The following AGBL2 variants were observed in gnomAD, a reference collection of about 807,000 sequenced individuals.
AGBL2 encodes AGBL carboxypeptidase 2.
AGBL2 carries 87 observed loss-of-function variants against 103.0 expected under a neutral mutation model. The observed-to-expected ratio is 0.84, with a 90% CI of 0.71 to 1.01. The LOEUF is 1.01. Among genes scored for constraint, AGBL2 ranks in the 50% least tolerant of loss-of-function variants. The pLI, the probability that AGBL2 is intolerant of heterozygous loss-of-function variation, is 0.00. For synonymous variants in AGBL2, 335 were observed against 356.7 expected (o/e 0.94, Z 0.69); for missense variants, 904 against 1,023.5 (o/e 0.88, Z 1.59).
Position 47,692,220 on chromosome 11 carries a change from A to G in AGBL2, c.731T>C (p.Val244Ala). 1 of 1,613,532 alleles carries G rather than the reference A, an allele frequency of 6.2e-7. No individual in the cohort carries two copies. Among genetic ancestry groups the G allele is most frequent in the South Asian group, 1.1e-5 (1 of 91,054 alleles). The change falls in exon 9 of 19, where the codon GTG (valine) becomes GCG (alanine). Residue 244 changes from valine to alanine, a missense_variant. Physicochemically the swap from Val to Ala is moderately conservative, Grantham distance 64. Coordinates refer to ENST00000525123, the MANE Select transcript of AGBL2 (RefSeq NM_024783.4). ...IEGSYFTSSRVGGKRGIVKEL... is the reference protein window; with the variant it reads ...IEGSYFTSSRAGGKRGIVKEL... ...CTTGACAATTCCTCGTTTGCCTCCCACTCTGGAACTGGTAAAATAGGAACC... is the reference window on the plus strand; with the variant it reads ...CTTGACAATTCCTCGTTTGCCTCCCGCTCTGGAACTGGTAAAATAGGAACC...
At position 47,699,515 on chromosome 11, in the gene AGBL2, T is replaced by C; in HGVS notation, c.625A>G (p.Lys209Glu). Residue 209 changes from lysine to glutamate, a missense_variant, in exon 8 of 19, where the codon AAA becomes GAA. Lys to Glu is a moderately conservative substitution (Grantham distance 56). Transcript: ENST00000525123. Reference sequence around the variant, plus strand: ...ATCTCTGGTACCTTTTCATTTCCTTTAGGCTGATAGAAATATTCTGGTTGA... The same window carrying C: ...ATCTCTGGTACCTTTTCATTTCCTTCAGGCTGATAGAAATATTCTGGTTGA... Reference protein sequence around the residue: ...PPQPEYFYQPKGNEKVPEIVG... With the variant: ...PPQPEYFYQPEGNEKVPEIVG... 3 of 1,609,838 alleles carry C rather than the reference T, an allele frequency of 1.9e-6. No individual in the cohort carries two copies. Among genetic ancestry groups the C allele is most frequent in the Non-Finnish European group, 2.5e-6 (3 of 1,178,214 alleles).
chr11:47,703,601 G>A (rs2097506179), intron 7 of AGBL2, among the ~76,000 whole-genome samples: 1 of 151,992 alleles, frequency 6.6e-6, no homozygotes, highest in African/African-American at 2.4e-5. Context: ...GACCAGCCTG[G>A]CCAACATGGA....
At position 47,690,661 on chromosome 11, in the gene AGBL2, CGGGTGTT is replaced by C; in HGVS notation, c.1039_1045del (p.Asn347AlafsTer81). ...TCCTTCTCTCCTCCAGCCAATATTG[CGGGTGTT>C]GGCATCCAATTGGGAGTACAAGAGT... is the stretch of plus-strand genomic sequence containing the variant. On this transcript the variant is annotated frameshift_variant, in exon 10 of 19. Coordinates refer to ENST00000525123, the MANE Select transcript of AGBL2 (RefSeq NM_024783.4). LOFTEE classifies it high-confidence loss of function. 1 of 1,613,990 alleles carries C rather than the reference CGGGTGTT, an allele frequency of 6.2e-7. No individual in the cohort carries two copies. Among genetic ancestry groups the C allele is most frequent in the Non-Finnish European group, 8.5e-7 (1 of 1,179,986 alleles).
At chr11:47,683,619 A>T (rs1485164218) in intron 11 of AGBL2, among the ~76,000 whole-genome samples, 2 of 150,866 alleles carry the variant, frequency 1.3e-5, no homozygotes, top group Non-Finnish European at 3.0e-5. Flanking sequence ...AAATACAAAA[A>T]AATTTAGCCA....
chr11:47,708,592 G>C (rs1366018658), intron 4 of AGBL2, among the ~76,000 whole-genome samples: 1 of 151,198 alleles, frequency 6.6e-6, no homozygotes, highest in African/African-American at 2.4e-5. Flanking sequence ...AAGGCAGGCG[G>C]GTCGCGAGGT....
At chr11:47,689,559 C>A (rs1298131212) in intron 10 of AGBL2, among the ~76,000 whole-genome samples, 1 of 152,102 alleles carries the variant, frequency 6.6e-6, no homozygotes, top group Non-Finnish European at 1.5e-5. Flanking sequence ...CCCACTTCAG[C>A]CTCCCAAAGT....
rs1466173042 is a variant in AGBL2 at position 47,682,031 on chromosome 11, A to AT, written c.1852dup (p.Met618AsnfsTer23). On this transcript the variant is annotated frameshift_variant, in exon 12 of 19. Coordinates refer to ENST00000525123, the MANE Select transcript of AGBL2 (RefSeq NM_024783.4). LOFTEE classifies it high-confidence loss of function. ...GCTGTTTAGGATTCCCATCCGCCAC[A>AT]TAACAACTCGTCCTGTTCCTTCTTT... The AT allele has an allele frequency of 6.2e-7, 1 of 1,614,206 alleles. No individual in the cohort carries two copies. Among genetic ancestry groups the AT allele is most frequent in the Non-Finnish European group, 8.5e-7 (1 of 1,180,026 alleles).
At chr11:47,692,385 C>A in intron 8 of AGBL2, 129 bp from the exon 9 acceptor site, 7 of 344,600 alleles carry the variant, frequency 2.0e-5, no homozygotes, top group Non-Finnish European at 2.1e-5. Flanking sequence ...TTTCAACTAT[C>A]TTTGCAGAGA....
chr11:47,687,720 G>A (rs2153804077), intron 10 of AGBL2, among the ~76,000 whole-genome samples: 1 of 152,094 alleles, frequency 6.6e-6, no homozygotes, highest in East Asian at 1.9e-4. Flanking sequence ...TTGTAAAGCT[G>A]CAGAACTATG....
intron 17 of AGBL2, among the ~76,000 whole-genome samples, chr11:47,664,536 C>A (rs993471033): frequency 6.6e-6 from 1 of 151,786 alleles, no homozygotes; most frequent in African/African-American, 2.4e-5. Flanking sequence ...CTCAGCCTCC[C>A]GAGTAGCTGG....
At chr11:47,694,856 A>G (rs2097461115) in intron 8 of AGBL2, among the ~76,000 whole-genome samples, 1 of 152,190 alleles carries the variant, frequency 6.6e-6, no homozygotes, top group African/African-American at 2.4e-5. Flanking sequence ...GCAAACAAAA[A>G]TGGCACAACA....
intron 15 of AGBL2, among the ~76,000 whole-genome samples, chr11:47,668,104 G>A (rs1230898653): frequency 6.6e-6 from 1 of 151,520 alleles, no homozygotes; most frequent in East Asian, 1.9e-4. Flanking sequence ...AGTTACTCAG[G>A]AGGCTGAGGC....
chr11:47,696,185 CAAAA>C (rs200029588), intron 8 of AGBL2, among the ~76,000 whole-genome samples: 8 of 97,772 alleles, frequency 8.2e-5, no homozygotes, highest in Non-Finnish European at 1.2e-4. Context: ...GACTCTGTCT[CAAAA>C]AAAAAAAAAA....
intron 8 of AGBL2, among the ~76,000 whole-genome samples, chr11:47,698,582 C>T (rs559505893): frequency 5.3e-5 from 8 of 152,134 alleles, no homozygotes; most frequent in African/African-American, 9.6e-5. Context: ...AAGCCTTTTT[C>T]GTTTTGAAAT....
At chr11:47,704,129 ACT>A (rs2097508762) in intron 7 of AGBL2, among the ~76,000 whole-genome samples, 1 of 151,140 alleles carries the variant, frequency 6.6e-6, no homozygotes, top group African/African-American at 2.4e-5. Context: ...ATAAATGTTG[ACT>A]CTGTCCTGCC....
chr11:47,663,930 C>T (rs913638873), intron 17 of AGBL2, among the ~76,000 whole-genome samples: 11 of 152,110 alleles, frequency 7.2e-5, no homozygotes, highest in African/African-American at 2.4e-4. Flanking sequence ...TCTTGGCTCA[C>T]GGCAACCTCC....
At chr11:47,691,522 A>G (rs1273443951) in intron 9 of AGBL2, among the ~76,000 whole-genome samples, 6 of 148,908 alleles carry the variant, frequency 4.0e-5, no homozygotes, top group African/African-American at 1.5e-4. Flanking sequence ...CCTGGCTAAC[A>G]TGGTGAAATC....
intron 15 of AGBL2, 43 bp downstream of exon 15, chr11:47,668,798 T>C: frequency 6.5e-7 from 1 of 1,529,402 alleles, no homozygotes; most frequent in Non-Finnish European, 9.1e-7. Flanking sequence ...GTCATGACTT[T>C]TTTTTAAGGC....
chr11:47,713,509 G>A (rs2097541534), intron 3 of AGBL2, among the ~76,000 whole-genome samples: 1 of 149,692 alleles, frequency 6.7e-6, no homozygotes, highest in South Asian at 2.1e-4. Flanking sequence ...TGGGCGACAG[G>A]GTGAGACTTC....
Sources: allele counts gnomAD v4.1 joint callset (sites outside exome capture counted in the v4.1 genomes callset), GRCh38; gene constraint gnomAD v4.1.1; transcripts MANE v1.5; gene names NCBI Gene and HGNC (gene_info 2026-07-23, HGNC 2026-07-21).